Variants in FHOD3 observed in about 807,000 individuals in gnomAD.
FHOD3 encodes FH1/FH2 domain-containing protein 3.
In FHOD3, 90 loss-of-function variants were observed where a neutral mutation model predicts 173.0. That is an observed-to-expected ratio of 0.52 (90% confidence interval 0.44 to 0.62). The LOEUF (loss-of-function observed/expected upper bound fraction) is 0.62. Among genes scored for constraint, FHOD3 ranks in the 20% least tolerant of loss-of-function variants. The pLI is 0.00. For synonymous variants in FHOD3, 828 were observed against 823.0 expected (o/e 1.01, Z -0.10); for missense variants, 1,945 against 2,034.7 (o/e 0.96, Z 0.85).
chr18:36,547,966 C>T (rs544124257), intron 5 of FHOD3, among the ~76,000 whole-genome samples: 89 of 152,122 alleles, frequency 5.9e-4, no homozygotes, highest in Non-Finnish European at 8.7e-4. Context: ...GCCAAAGAAG[C>T]GGATTACCTG....
At chr18:36,599,472 G>C (rs971000229) in intron 7 of FHOD3, among the ~76,000 whole-genome samples, 1 of 152,176 alleles carries the variant, frequency 6.6e-6, no homozygotes, top group Non-Finnish European at 1.5e-5. Flanking sequence ...GGAAGCTACA[G>C]GTTGACAGAA....
chr18:36,656,111 G>C (rs2149161741), intron 13 of FHOD3, among the ~76,000 whole-genome samples: 1 of 152,312 alleles, frequency 6.6e-6, no homozygotes, highest in South Asian at 2.1e-4. Context: ...AGAGTGCTAG[G>C]TGTCGTGCGG....
At chr18:36,527,789 T>G (rs1288825035) in intron 5 of FHOD3, among the ~76,000 whole-genome samples, 1 of 73,806 alleles carries the variant, frequency 1.4e-5, no homozygotes, top group Admixed American at 1.2e-4. Context: ...TGGATTTATA[T>G]TTGAGTGACA....
intron 14 of FHOD3, among the ~76,000 whole-genome samples, chr18:36,678,524 CAAAAAAAAAA>C (rs58064190): frequency 9.8e-5 from 7 of 71,154 alleles, no homozygotes; most frequent in African/African-American, 3.4e-4. Context: ...GACCCTGTCT[CAAAAAAAAAA>C]AAAAAAAAAA....
chr18:36,381,630 G>A (rs1241366399), intron 3 of FHOD3, among the ~76,000 whole-genome samples: 1 of 152,172 alleles, frequency 6.6e-6, no homozygotes, highest in Non-Finnish European at 1.5e-5. Flanking sequence ...ACTTGCTCTT[G>A]AGCACGTGAA....
intron 1 of FHOD3, among the ~76,000 whole-genome samples, chr18:36,307,300 G>A (rs1290404898): frequency 6.6e-6 from 1 of 152,132 alleles, no homozygotes; most frequent in Non-Finnish European, 1.5e-5. Flanking sequence ...TCCCTAATTT[G>A]TATTTGGAGC....
In FHOD3 at chr18:36,639,691, T is replaced by C. The variant is rs550122156; in HGVS notation, c.1197-9625T>C. Among the ~76,000 whole-genome samples, 737 of 138,940 alleles carry C rather than the reference T, an allele frequency of 5.3e-3. 1 individual carries two copies. Among genetic ancestry groups the C allele is most frequent in the African/African-American group, 6.4e-3 (236 of 37,104 alleles). 91.2% of individuals were successfully genotyped at this position (138,940 alleles called of 152,430 possible). ...AAAAAAAAAAAGCTGGGCGTGGTGG[T>C]GGGCGCCTGTAGTCCCAGCTACTCG... On this transcript the variant is annotated intron_variant, in intron 10 of 28. Coordinates refer to ENST00000590592, the MANE Select transcript of FHOD3 (RefSeq NM_001281740.3).
chr18:36,674,880 T>C (rs2037749234), intron 14 of FHOD3, among the ~76,000 whole-genome samples: 1 of 152,226 alleles, frequency 6.6e-6, no homozygotes, highest in South Asian at 2.1e-4. Context: ...GACTTGAGAA[T>C]ACTCTATGAT....
chr18:36,613,664 CTGGTTGGTTGGTTGT>C (rs1182834488), intron 9 of FHOD3, among the ~76,000 whole-genome samples: 1 of 152,134 alleles, frequency 6.6e-6, no homozygotes, highest in East Asian at 1.9e-4. Flanking sequence ...CCTTCCACCT[CTGGTTGGTTGGTTGT>C]TGGTTGTTTT....
chr18:36,478,251 T>A (rs1012481568), intron 3 of FHOD3, among the ~76,000 whole-genome samples: 1 of 152,230 alleles, frequency 6.6e-6, no homozygotes, highest in African/African-American at 2.4e-5. Flanking sequence ...TGTCACATCT[T>A]TTTTTGATGA....
At chr18:36,576,960 G>C (rs1599726444) in intron 6 of FHOD3, among the ~76,000 whole-genome samples, 3 of 152,060 alleles carry the variant, frequency 2.0e-5, no homozygotes, top group African/African-American at 7.2e-5. Flanking sequence ...GGGCATGGTG[G>C]CACGCGCCTG....
At chr18:36,719,570 G>A (rs369507388) in intron 19 of FHOD3, among the ~76,000 whole-genome samples, 5 of 152,162 alleles carry the variant, frequency 3.3e-5, no homozygotes, top group Admixed American at 2.6e-4. Flanking sequence ...CTCTTTTAAG[G>A]TATAAGGGGT....
At chr18:36,605,198 A>C (rs2031920753) in intron 8 of FHOD3, among the ~76,000 whole-genome samples, 1 of 152,188 alleles carries the variant, frequency 6.6e-6, no homozygotes, top group Non-Finnish European at 1.5e-5. Context: ...TGTCCTTTTT[A>C]GTCACTGCCA....
chr18:36,607,233 G>A (rs1045324666), intron 8 of FHOD3, among the ~76,000 whole-genome samples: 1 of 152,174 alleles, frequency 6.6e-6, no homozygotes, highest in Non-Finnish European at 1.5e-5. Flanking sequence ...ATGGCTCCAC[G>A]GCTCTTGTAT....
chr18:36,495,342 C>T (rs560359092), intron 3 of FHOD3, among the ~76,000 whole-genome samples: 1 of 152,266 alleles, frequency 6.6e-6, no homozygotes, highest in East Asian at 1.9e-4. Context: ...GAGCTTTCCA[C>T]CTGAGTCTGG....
chr18:36,635,653 A>G (rs928554374), intron 10 of FHOD3, among the ~76,000 whole-genome samples: 6 of 152,216 alleles, frequency 3.9e-5, no homozygotes, highest in Non-Finnish European at 7.3e-5. Flanking sequence ...TTCTCTGGCA[A>G]TCAGTAACCT....
intron 1 of FHOD3, among the ~76,000 whole-genome samples, chr18:36,298,280 G>A (rs1319904233): frequency 1.3e-5 from 2 of 151,104 alleles, no homozygotes; most frequent in African/African-American, 4.9e-5. Flanking sequence ...GATGGAGAAG[G>A]CTCCCCCGAG....
chr18:36,373,831 C>A (rs1413468996), intron 3 of FHOD3, among the ~76,000 whole-genome samples: 1 of 152,118 alleles, frequency 6.6e-6, no homozygotes, highest in African/African-American at 2.4e-5. Flanking sequence ...TAAATCGTGG[C>A]TTTTTTATTA....
intron 3 of FHOD3, among the ~76,000 whole-genome samples, chr18:36,417,153 T>A (rs529388420): frequency 4.6e-5 from 7 of 152,308 alleles, no homozygotes; most frequent in African/African-American, 1.7e-4. Context: ...TTGTACAGAT[T>A]ATTTCATCAC....
Sources: gnomAD v4.1 joint callset for allele counts (sites outside exome capture counted in the v4.1 genomes callset) on GRCh38, gnomAD v4.1.1 for gene constraint, MANE v1.5 for transcripts, NCBI Gene and HGNC (gene_info 2026-07-23, HGNC 2026-07-21) for gene names.